The following HMCN2 variants were observed in gnomAD, a reference collection of about 807,000 sequenced individuals.
The protein encoded by HMCN2 is hemicentin-2.
A neutral mutation model predicts 377.5 loss-of-function variants in HMCN2; 325 were observed. The ratio of observed to expected loss-of-function variants is 0.86; its 90% CI spans 0.79 to 0.94. The LOEUF is 0.94. Ranked by LOEUF, HMCN2 falls within the 40% of genes least tolerant of loss-of-function variation. The probability of loss-of-function intolerance (pLI) is 0.00; values close to 1 mark genes in which losing one functional copy is unlikely to be tolerated. For missense variants in HMCN2, 4,543 were observed against 4,725.3 expected (o/e 0.96, Z 1.13); for synonymous variants, 2,007 against 2,046.8 (o/e 0.98, Z 0.53).
At chr9:130,274,048 C>T (rs1834543120) in intron 1 of HMCN2, among the ~76,000 whole-genome samples, 1 of 148,124 alleles carries the variant, frequency 6.8e-6, no homozygotes, top group Non-Finnish European at 1.5e-5. Flanking sequence ...TAATGTGATA[C>T]ATTAATTTTT....
In HMCN2 at chr9:130,413,519, C is replaced by T. The variant is rs78129919; in HGVS notation, c.12961+2867C>T. Among the ~76,000 whole-genome samples, 830 of 152,286 alleles carry T rather than the reference C, an allele frequency of 5.5e-3. 2 individuals carry two copies. The highest frequency in any genetic ancestry group is 7.1e-3 in the Non-Finnish European group (483 of 68,020). ...GATGCACTTCTCCCTATTTCTCTTG[C>T]TAAGGACAGCTAAACACCTTGGACT... On this transcript the variant is annotated intron_variant, in intron 85 of 97. Coordinates refer to ENST00000683500, the MANE Select transcript of HMCN2 (RefSeq NM_001291815.2).
chr9:130,327,948 C>T (rs910087454), intron 22 of HMCN2, among the ~76,000 whole-genome samples: 3 of 152,140 alleles, frequency 2.0e-5, no homozygotes, highest in Non-Finnish European at 2.9e-5. Context: ...TGGGAGTGGG[C>T]GGACAGGGAG....
chr9:130,316,973 G>A (rs1041079923), intron 15 of HMCN2, among the ~76,000 whole-genome samples: 1 of 152,140 alleles, frequency 6.6e-6, no homozygotes, highest in Non-Finnish European at 1.5e-5. Flanking sequence ...TATTTGGGGG[G>A]CTCCAGGTTA....
chr9:130,269,295 T>C (rs1474260929), intron 1 of HMCN2, among the ~76,000 whole-genome samples: 1 of 142,522 alleles, frequency 7.0e-6, no homozygotes, highest in Non-Finnish European at 1.6e-5. Context: ...TTGAAATTAG[T>C]AGTAGAAACC....
intron 4 of HMCN2, 69 bp from the exon 5 acceptor site, chr9:130,294,786 C>T (rs1836023157): frequency 2.8e-6 from 1 of 361,282 alleles, no homozygotes; most frequent in African/African-American, 2.2e-5. Context: ...TGTATGCTGC[C>T]TAAAATCCAT....
rs142175204 is a variant in HMCN2, at chr9:130,368,134, C to T, written c.6626-142C>T. 42 of 314,062 alleles carry T rather than the reference C, an allele frequency of 1.3e-4. No homozygotes were observed. The East Asian group carries it at 6.7e-3, about 50-fold the overall frequency. The allele number at this position is 314,062 out of a possible 1,614,324, so 19.5% of individuals were successfully genotyped here. The stretch of plus-strand genomic sequence containing the variant: ...GAAGTGGCACTCATGGAAGGCTTCC[C>T]GGAAGAGGTAGTGTCTAAATGGACA... On this transcript the variant is annotated intron_variant, in intron 43 of 97. Coordinates refer to ENST00000683500, the MANE Select transcript of HMCN2 (RefSeq NM_001291815.2).
intron 22 of HMCN2, among the ~76,000 whole-genome samples, chr9:130,336,631 C>T (rs1838761127): frequency 6.6e-6 from 1 of 152,162 alleles, no homozygotes; most frequent in Non-Finnish European, 1.5e-5. Context: ...ACTGTGTCAT[C>T]CACAGCCATC....
chr9:130,366,750 G>A (rs1327476593), intron 43 of HMCN2, among the ~76,000 whole-genome samples: 1 of 152,146 alleles, frequency 6.6e-6, no homozygotes, highest in Non-Finnish European at 1.5e-5. Context: ...ACAGCACCCA[G>A]CCCATTTAAC....
At chr9:130,344,512 T>TGTGTGTGGTGTGTA (rs1424214128) in intron 25 of HMCN2, among the ~76,000 whole-genome samples, 2 of 151,046 alleles carry the variant, frequency 1.3e-5, no homozygotes, top group African/African-American at 4.9e-5. Flanking sequence ...ATGTATGTGG[T>TGTGTGTGGTGTGTA]GTGTGTGGTG....
chr9:130,324,006 A>C (rs1053191190), intron 19 of HMCN2, among the ~76,000 whole-genome samples: 33 of 152,318 alleles, frequency 2.2e-4, no homozygotes, highest in African/African-American at 7.7e-4. Context: ...CTGGCCTGAA[A>C]GCTTTTAAAA....
At position 130,353,007 on chromosome 9, in the gene HMCN2, G is replaced by T. The variant is rs909608243; in HGVS notation, c.4666G>T (p.Ala1556Ser). The part of the protein sequence containing the change: ...EDHLVQLLCE[A>S]RGVPTPNITW... ...CCACCTAGTGCAGCTCCTGTGTGAG[G>T]CTCGAGGAGTGCCCACCCCAAACAT... The change falls in exon 31 of 98, where the codon GCT becomes TCT. Residue 1556 changes from alanine (A) to serine (S), a missense_variant. Ala to Ser is a moderately conservative substitution (Grantham distance 99, BLOSUM62 1). Around this residue, in one of 5 missense-constraint regions of HMCN2, gnomAD observed 1,032 missense variants for 1,285.1 expected, o/e 0.80. Transcript: ENST00000683500. 5 of 1,304,018 alleles carry T rather than the reference G, an allele frequency of 3.8e-6. No homozygotes were observed. Among genetic ancestry groups the T allele is most frequent in the Admixed American group, 4.6e-5 (2 of 43,538 alleles). The allele number at this position is 1,304,018 out of a possible 1,614,324, so 80.8% of individuals were successfully genotyped here.
intron 91 of HMCN2, 54 bp downstream of exon 91, chr9:130,427,429 A>G: frequency 1.3e-6 from 2 of 1,550,292 alleles, no homozygotes; most frequent in South Asian, 1.2e-5. Flanking sequence ...CCTGGGATGG[A>G]TGGCTTCTCC....
In HMCN2 at chr9:130,361,903, C is replaced by G. The variant is rs1056863279; in HGVS notation, c.5951-105C>G. 1.3e-6 allele frequency: 1 copy of G among 749,324 alleles called. No homozygotes were observed. The highest frequency in any genetic ancestry group is 6.3e-5 in the Admixed American group (1 of 15,966). The allele number at this position is 749,324 out of a possible 1,614,324, so 46.4% of individuals were successfully genotyped here. A position where few individuals can be genotyped will look rare whatever the true frequency, so the allele number is the denominator to read the frequency against. ...CCGTGTCTGGATGGCTGTCCTTGTG[C>G]TTTTGCTGTGGCTGTGTGCTCCTGC... On this transcript the variant is annotated intron_variant, in intron 38 of 97. Coordinates refer to ENST00000683500, the MANE Select transcript of HMCN2 (RefSeq NM_001291815.2). This position sits in a 1 kb window ranked among gnomAD's most constrained non-coding sequence, Gnocchi z 4.8.
At chr9:130,405,895 G>A (rs903306446) in intron 81 of HMCN2, 60 bp from the exon 82 acceptor site, 3 of 1,167,964 alleles carry the variant, frequency 2.6e-6, no homozygotes, top group Non-Finnish European at 3.4e-6. Flanking sequence ...AGGGTCAGGG[G>A]CATCCTGACC....
At chr9:130,270,165 C>G (rs1188476967) in intron 1 of HMCN2, among the ~76,000 whole-genome samples, 19 of 144,642 alleles carry the variant, frequency 1.3e-4, no homozygotes, top group African/African-American at 4.7e-4. Flanking sequence ...GGTTGCTTGT[C>G]TTTTAGTATT....
At position 130,308,158 on chromosome 9, in the gene HMCN2, T is replaced by C. The variant is rs949504207; in HGVS notation, c.2200+592T>C. On this transcript the variant is annotated intron_variant, in intron 14 of 97. Coordinates refer to ENST00000683500, the MANE Select transcript of HMCN2 (RefSeq NM_001291815.2). The surrounding 1 kb of genome is among the most constrained non-coding windows in gnomAD (Gnocchi z 4.1). ...TTTTAGTAGAGATGGGGTTTTACCA[T>C]GTTGGACAGGCTAGTCTGGAACTCC... Among the ~76,000 whole-genome samples the C allele has an allele frequency of 2.6e-5, 4 of 152,114 alleles. No individual in the cohort carries two copies. Among genetic ancestry groups the C allele is most frequent in the South Asian group, 2.1e-4 (1 of 4,822 alleles).
rs1844929330 is a variant in HMCN2, at chr9:130,433,900, G to A, written c.*207G>A. The stretch of plus-strand genomic sequence containing the variant: ...CCTCACAGAGGGAGGCGTCCAGGGC[G>A]GCCCTTGGGTGGCCAGTCCCGCAGG... On this transcript the variant is annotated 3_prime_UTR_variant, in exon 98 of 98. Coordinates refer to ENST00000683500, the MANE Select transcript of HMCN2 (RefSeq NM_001291815.2). 2 of 498,344 alleles carry A rather than the reference G, an allele frequency of 4.0e-6. No individual in the cohort carries two copies. Among genetic ancestry groups the A allele is most frequent in the Admixed American group, 4.3e-5 (1 of 23,268 alleles). 30.9% of individuals were successfully genotyped at this position (498,344 alleles called of 1,614,324 possible).
chr9:130,304,141 A>G lies in HMCN2; in HGVS notation c.1543+533A>G, dbSNP rs529512627. Among the ~76,000 whole-genome samples, 35 of 152,232 alleles carry G rather than the reference A, an allele frequency of 2.3e-4. No homozygotes were observed. The highest frequency in any genetic ancestry group is 4.3e-4 in the Non-Finnish European group (29 of 68,036). ...CTTTGTAGGAAAGCTGGAAAAATAT[A>G]AACAACCCAAGAGAAGATCAAAATA... On this transcript the variant is annotated intron_variant, in intron 10 of 97. Transcript: ENST00000683500. This position sits in a 1 kb window ranked among gnomAD's most constrained non-coding sequence, Gnocchi z 4.3.
At chr9:130,413,991 CAAA>C (rs33963612) in intron 85 of HMCN2, among the ~76,000 whole-genome samples, 8,997 of 136,946 alleles carry the variant, frequency 0.066, 737 homozygotes, top group African/African-American at 0.19. Flanking sequence ...ACCAAAAATA[CAAA>C]AAAAAAAAAA....
Sources: allele counts gnomAD v4.1 joint callset (sites outside exome capture counted in the v4.1 genomes callset), GRCh38; gene constraint gnomAD v4.1.1; regional missense constraint gnomAD v4.1.1; non-coding constraint Gnocchi (gnomAD v3.1); transcripts MANE v1.5; gene names NCBI Gene and HGNC (gene_info 2026-07-23, HGNC 2026-07-21).